PDE11A: variants seen among roughly 807,000 people sequenced by gnomAD.
The protein encoded by PDE11A is phosphodiesterase 11A, also known as dual 3',5'-cyclic-AMP and -GMP phosphodiesterase 11A.
In PDE11A, 100 loss-of-function variants were observed where a neutral mutation model predicts 100.5. That is an observed-to-expected ratio of 1.00 (90% CI 0.85 to 1.18). PDE11A has a LOEUF of 1.18. Ranked by LOEUF, PDE11A falls within the 50% of genes most tolerant of loss-of-function variation. The pLI is 0.00. For synonymous variants in PDE11A, 381 were observed against 420.8 expected, an observed-to-expected ratio of 0.91 and a Z score of 1.16; for missense variants, 1,141 against 1,152.6, an observed-to-expected ratio of 0.99 and a Z score of 0.15.
chr2:177,762,018 G>A (rs1441797686), intron 10 of PDE11A, among the ~76,000 whole-genome samples: 6 of 152,066 alleles, frequency 3.9e-5, no homozygotes, highest in Admixed American at 2.0e-4. Flanking sequence ...AGCAGGAGGC[G>A]GGAACCCAGC....
chr2:177,806,448 A>C (rs2105561889), intron 9 of PDE11A, among the ~76,000 whole-genome samples: 1 of 152,344 alleles, frequency 6.6e-6, no homozygotes, highest in South Asian at 2.1e-4. Context: ...GCAGATGGTC[A>C]AATTTTTATG....
chr2:177,651,682 C>G (rs943086280), intron 19 of PDE11A, among the ~76,000 whole-genome samples: 1 of 151,922 alleles, frequency 6.6e-6, no homozygotes, highest in African/African-American at 2.4e-5. Context: ...TTCTCTATTT[C>G]TCTTTTCTTC....
intron 7 of PDE11A, among the ~76,000 whole-genome samples, chr2:177,819,860 T>TTCTCTTTCTCTCTCTCTC (rs60572849): frequency 0.024 from 2,423 of 101,302 alleles, 82 homozygotes; most frequent in Non-Finnish European, 0.027. Context: ...CTTTCTCTCT[T>TTCTCTTTCTCTCTCTCTC]TCTCTCTTTC....
chr2:177,799,768 C>G (rs2082759345), intron 9 of PDE11A, among the ~76,000 whole-genome samples: 1 of 152,172 alleles, frequency 6.6e-6, no homozygotes, highest in South Asian at 2.1e-4. Context: ...TCTGTACTGT[C>G]TGAGCTCTCA....
intron 9 of PDE11A, among the ~76,000 whole-genome samples, chr2:177,777,837 C>G (rs180949429): frequency 3.9e-5 from 6 of 152,302 alleles, no homozygotes; most frequent in Admixed American, 3.9e-4. Context: ...AGTTAATCCA[C>G]AGAACACTTG....
At chr2:177,660,307 G>T (rs1032288966) in intron 19 of PDE11A, among the ~76,000 whole-genome samples, 7 of 151,800 alleles carry the variant, frequency 4.6e-5, no homozygotes, top group African/African-American at 1.7e-4. Context: ...TCATCGATTT[G>T]GGACTGTTCT....
At chr2:178,042,595 G>A (rs2086698040) in intron 1 of PDE11A, among the ~76,000 whole-genome samples, 1 of 152,018 alleles carries the variant, frequency 6.6e-6, no homozygotes, top group African/African-American at 2.4e-5. Context: ...AGAGTAAATG[G>A]CTATTCCAAG....
At chr2:177,998,024 A>T in intron 2 of PDE11A, 1 of 1,252,586 alleles carries the variant, frequency 8.0e-7, no homozygotes, top group Non-Finnish European at 1.2e-6. Context: ...ACAGTTTTAG[A>T]GAAGAAGGGT....
At chr2:177,658,863 T>C (rs2080431514) in intron 19 of PDE11A, among the ~76,000 whole-genome samples, 1 of 152,164 alleles carries the variant, frequency 6.6e-6, no homozygotes, top group Admixed American at 6.5e-5. Context: ...CTAACTCCCA[T>C]TCTACTATTT....
intron 2 of PDE11A, among the ~76,000 whole-genome samples, chr2:178,081,029 T>G (rs1033228261): frequency 6.6e-6 from 1 of 152,156 alleles, no homozygotes; most frequent in Non-Finnish European, 1.5e-5. Flanking sequence ...GTTTGAACTT[T>G]GAGAAACCAT....
chr2:177,871,338 G>A (rs2037757), intron 5 of PDE11A, among the ~76,000 whole-genome samples: 50,706 of 151,596 alleles, frequency 0.33, 10,172 homozygotes, highest in East Asian at 0.53. Flanking sequence ...TCCCAGGTTC[G>A]TGAAGGTCAC....
intron 9 of PDE11A, among the ~76,000 whole-genome samples, chr2:177,803,710 C>T (rs778669868): frequency 8.6e-5 from 13 of 151,908 alleles, no homozygotes; most frequent in Non-Finnish European, 1.9e-4. Flanking sequence ...ACCATAAGAT[C>T]ATCTCAAAAC....
chr2:177,635,310 CCTAAAAA>C (rs1341877947), intron 19 of PDE11A, among the ~76,000 whole-genome samples: 2 of 152,116 alleles, frequency 1.3e-5, no homozygotes, highest in Admixed American at 6.5e-5. Context: ...TTGATGCTGA[CCTAAAAA>C]CCCTATTTGG....
At position 177,898,153 on chromosome 2, in the gene PDE11A, G is replaced by C; in HGVS notation, c.1207C>G (p.Leu403Val). Residue 403 changes from leucine to valine, a missense_variant, in exon 4 of 20, where the codon CTG becomes GTG. Transcript: ENST00000286063. ...VNDLFEEQTD[L>V]EKIVKKIMHR... is the part of the protein sequence containing the mutation. ...ATTATTTTCTTGACAATTTTCTCCA[G>C]GTCAGTCTGTTCTTCAAAGAGGTCA... 1.2e-6 allele frequency: 2 copies of C among 1,609,182 alleles called. No individual in the cohort carries two copies. Among genetic ancestry groups the C allele is most frequent in the Non-Finnish European group, 1.7e-6 (2 of 1,175,558 alleles).
rs1428804524 is a variant in PDE11A, at chr2:177,853,809, C to G, written c.1368-13426G>C. On this transcript the variant is annotated intron_variant, in intron 5 of 19. Transcript: ENST00000286063. ...GTATAGATATATATGTATATATGTG[C>G]ATATATGTATATATATGTGTGTATA... Among the ~76,000 whole-genome samples the G allele has an allele frequency of 5.5e-5, 6 of 108,274 alleles. No individual in the cohort carries two copies. In the East Asian group the frequency reaches 7.6e-4, roughly 14 times the overall value. The allele number at this position is 108,274 out of a possible 152,430, so 71.0% of individuals were successfully genotyped here.
chr2:177,802,848 T>C (rs1430828355), intron 9 of PDE11A, among the ~76,000 whole-genome samples: 2 of 152,136 alleles, frequency 1.3e-5, no homozygotes, highest in African/African-American at 2.4e-5. Context: ...AAAAAGATTA[T>C]GCCTAACCAA....
intron 6 of PDE11A, among the ~76,000 whole-genome samples, chr2:177,836,945 T>C (rs967766561): frequency 6.6e-6 from 1 of 152,108 alleles, no homozygotes; most frequent in African/African-American, 2.4e-5. Context: ...CTTTAAGAAC[T>C]GTAACACTCA....
At chr2:177,889,033 C>T (rs2084486017) in intron 4 of PDE11A, among the ~76,000 whole-genome samples, 1 of 152,286 alleles carries the variant, frequency 6.6e-6, no homozygotes. Flanking sequence ...CCCCACTCAT[C>T]ACCTGCTTGG....
At chr2:178,061,217 A>G (rs2086965123) in intron 1 of PDE11A, among the ~76,000 whole-genome samples, 1 of 151,982 alleles carries the variant, frequency 6.6e-6, no homozygotes, top group South Asian at 2.1e-4. Flanking sequence ...ATCCTATATC[A>G]GTTGTGGTTG....
Sources: gnomAD v4.1 joint callset for allele counts (sites outside exome capture counted in the v4.1 genomes callset) on GRCh38, gnomAD v4.1.1 for gene constraint, MANE v1.5 for transcripts, NCBI Gene and HGNC (gene_info 2026-07-23, HGNC 2026-07-21) for gene names.